The following MTUS2 variants were observed in gnomAD, a reference collection of about 807,000 sequenced individuals.
MTUS2 encodes the protein microtubule associated scaffold protein 2, also known as microtubule-associated tumor suppressor candidate 2.
In MTUS2, 40 loss-of-function variants were observed where a neutral mutation model predicts 114.1. That is an observed-to-expected ratio of 0.35 (90% CI 0.27 to 0.46). The LOEUF is 0.46. MTUS2 is among the 20% of genes least tolerant of loss of function. MTUS2 has a pLI of 1.00. For missense variants in MTUS2, 1,679 were observed against 1,705.4 expected, an observed-to-expected ratio of 0.98 and a Z score of 0.27; for synonymous variants, 688 against 672.0, an observed-to-expected ratio of 1.02 and a Z score of -0.37.
intron 2 of MTUS2, among the ~76,000 whole-genome samples, chr13:28,949,579 T>G (rs893647750): frequency 6.6e-6 from 1 of 152,204 alleles, no homozygotes; most frequent in Non-Finnish European, 1.5e-5. Flanking sequence ...TTTTTTCACC[T>G]TGAAAAACTG....
intron 9 of MTUS2, among the ~76,000 whole-genome samples, chr13:29,466,905 A>G (rs751357887): frequency 6.6e-6 from 1 of 151,822 alleles, no homozygotes; most frequent in Non-Finnish European, 1.5e-5. Flanking sequence ...AAGAAAAGAA[A>G]GAAAGAGAGG....
At chr13:29,474,398 A>G (rs1385518008) in intron 9 of MTUS2, among the ~76,000 whole-genome samples, 2 of 152,200 alleles carry the variant, frequency 1.3e-5, no homozygotes, top group African/African-American at 2.4e-5. Context: ...TTTAATTATG[A>G]CAATAATTTT....
chr13:29,433,317 C>G (rs1877149673), intron 8 of MTUS2, among the ~76,000 whole-genome samples: 1 of 152,138 alleles, frequency 6.6e-6, no homozygotes, highest in Non-Finnish European at 1.5e-5. Context: ...GCTCGTTTTT[C>G]ATACAAGTAG....
At chr13:28,903,030 T>C (rs1879741230) in intron 2 of MTUS2, among the ~76,000 whole-genome samples, 1 of 152,118 alleles carries the variant, frequency 6.6e-6, no homozygotes, top group South Asian at 2.1e-4. Context: ...ATTTCTTTCA[T>C]ATGGATTGAG....
intron 2 of MTUS2, among the ~76,000 whole-genome samples, chr13:28,859,780 G>T (rs1022800173): frequency 2.0e-5 from 3 of 152,132 alleles, no homozygotes; most frequent in African/African-American, 7.2e-5. Flanking sequence ...TGGGAGATTT[G>T]TATGTTGTTC....
chr13:29,269,152 G>A (rs2992385), intron 5 of MTUS2, among the ~76,000 whole-genome samples: 140,473 of 152,228 alleles, frequency 0.92, 65,272 homozygotes, highest in Non-Finnish European at 0.98. Context: ...AAATTTGACA[G>A]AATATTAGCT....
chr13:28,975,326 G>T lies in MTUS2; in HGVS notation c.-242-49131G>T, dbSNP rs533616056. On this transcript the variant is annotated intron_variant, in intron 2 of 15. Coordinates refer to ENST00000612955, the MANE Select transcript of MTUS2 (RefSeq NM_001033602.4). Reference sequence around the variant, plus strand: ...CTGCTTCCCGACTTGCTTCTGCCTGGCCTGGGCCACAGAAACGCGGCATGG... The same window carrying T: ...CTGCTTCCCGACTTGCTTCTGCCTGTCCTGGGCCACAGAAACGCGGCATGG... 6.4e-4 allele frequency among the ~76,000 whole-genome samples: 97 copies of T among 152,330 alleles called. 2 individuals are homozygous for T. In the South Asian group the frequency reaches 0.019, roughly 31 times the overall value.
intron 8 of MTUS2, among the ~76,000 whole-genome samples, chr13:29,370,992 C>A (rs1356768631): frequency 6.6e-6 from 1 of 152,088 alleles, no homozygotes; most frequent in African/African-American, 2.4e-5. Flanking sequence ...ATGAAGGTAA[C>A]TATTGATATT....
intron 5 of MTUS2, among the ~76,000 whole-genome samples, chr13:29,105,058 T>C (rs1855897698): frequency 6.6e-6 from 1 of 152,196 alleles, no homozygotes; most frequent in African/African-American, 2.4e-5. Flanking sequence ...TTTTGAACAC[T>C]GACACGATGC....
intron 2 of MTUS2, among the ~76,000 whole-genome samples, chr13:28,897,782 C>A (rs1216373151): frequency 2.6e-5 from 4 of 151,956 alleles, no homozygotes; most frequent in South Asian, 2.1e-4. Context: ...AACCATCGTT[C>A]TCAGCATACT....
At chr13:28,827,608 C>A (rs183716968) in intron 1 of MTUS2, among the ~76,000 whole-genome samples, 6 of 152,210 alleles carry the variant, frequency 3.9e-5, no homozygotes, top group Admixed American at 1.3e-4. Flanking sequence ...AATTCAGCCC[C>A]CAATATTTGA....
rs185249841 is a variant in MTUS2 at position 28,831,765 on chromosome 13, T to C, written c.-315-8013T>C. 2.2e-3 allele frequency among the ~76,000 whole-genome samples: 334 copies of C among 151,852 alleles called. 2 individuals are homozygous for C. Among genetic ancestry groups the C allele is most frequent in the African/African-American group, 7.9e-3 (326 of 41,466 alleles). On this transcript the variant is annotated intron_variant, in intron 1 of 15. Transcript: ENST00000612955. The stretch of plus-strand genomic sequence containing the variant: ...CCTTCCTTCCTTTTTTATTTATTTA[T>C]TATTTTTTTGAGACAGAGTCTCACT...
intron 6 of MTUS2, among the ~76,000 whole-genome samples, chr13:29,321,333 A>G (rs1900245408): frequency 6.6e-6 from 1 of 152,218 alleles, no homozygotes; most frequent in African/African-American, 2.4e-5. Context: ...CAAAGACCAC[A>G]CTAGCATTTC....
At chr13:29,142,331 A>T (rs1258665476) in intron 5 of MTUS2, among the ~76,000 whole-genome samples, 2 of 152,270 alleles carry the variant, frequency 1.3e-5, no homozygotes, top group South Asian at 2.1e-4. Context: ...GAAGCCCAAT[A>T]ATTTGTGTTT....
intron 2 of MTUS2, 105 bp downstream of exon 2, chr13:28,839,955 G>A (rs543497668): frequency 2.8e-4 from 42 of 148,916 alleles, no homozygotes; most frequent in Admixed American, 1.8e-3. Context: ...TAAATAGCTG[G>A]TGGTAGTTTT....
intron 5 of MTUS2, among the ~76,000 whole-genome samples, chr13:29,170,294 T>C (rs973377986): frequency 7.2e-5 from 11 of 152,204 alleles, no homozygotes; most frequent in Admixed American, 4.6e-4. Context: ...CTTGTTCTTA[T>C]TGTTATTGTT....
intron 6 of MTUS2, among the ~76,000 whole-genome samples, chr13:29,301,491 G>A (rs1165774521): frequency 6.6e-6 from 1 of 152,184 alleles, no homozygotes; most frequent in Non-Finnish European, 1.5e-5. Flanking sequence ...TACATGATTT[G>A]CATTCAAAGG....
intron 8 of MTUS2, among the ~76,000 whole-genome samples, chr13:29,364,015 T>C (rs1411675528): frequency 6.6e-6 from 1 of 152,166 alleles, no homozygotes; most frequent in Non-Finnish European, 1.5e-5. Flanking sequence ...AAGATACAAA[T>C]ACAGGCCAGG....
At chr13:29,260,319 C>A (rs563371473) in intron 5 of MTUS2, among the ~76,000 whole-genome samples, 1 of 152,082 alleles carries the variant, frequency 6.6e-6, no homozygotes, top group East Asian at 1.9e-4. Flanking sequence ...GGTTTTGGAC[C>A]GAGGCTGTCA....
Sources: gnomAD v4.1 joint callset for allele counts (sites outside exome capture counted in the v4.1 genomes callset) on GRCh38, gnomAD v4.1.1 for gene constraint, MANE v1.5 for transcripts, NCBI Gene and HGNC (gene_info 2026-07-23, HGNC 2026-07-21) for gene names.